The following LGR6 variants were observed in gnomAD, a reference collection of about 807,000 sequenced individuals.
LGR6 encodes the protein leucine rich repeat containing G protein-coupled receptor 6.
Under a neutral mutation model 69.4 loss-of-function variants are expected in LGR6, and 45 were observed. The observed-to-expected ratio is 0.65, with a 90% CI of 0.51 to 0.83. The LOEUF is 0.83. Ranked by LOEUF, LGR6 falls within the 40% of genes least tolerant of loss-of-function variation. The probability of loss-of-function intolerance (pLI) is 0.00; values close to 1 mark genes in which losing one functional copy is unlikely to be tolerated. For missense variants in LGR6, 1,108 were observed against 1,246.7 expected, an observed-to-expected ratio of 0.89 and a Z score of 1.68; for synonymous variants, 538 against 555.0, an observed-to-expected ratio of 0.97 and a Z score of 0.43.
chr1:202,195,623 G>A (rs1324709110), intron 1 of LGR6, among the ~76,000 whole-genome samples: 11 of 152,174 alleles, frequency 7.2e-5, no homozygotes, highest in Admixed American at 3.9e-4. Flanking sequence ...GGCAGGCTCC[G>A]GCCCCACCCT....
intron 4 of LGR6, among the ~76,000 whole-genome samples, chr1:202,262,492 C>G (rs1664314884): frequency 6.6e-6 from 1 of 152,036 alleles, no homozygotes; most frequent in Non-Finnish European, 1.5e-5. Context: ...GTTACTGTAG[C>G]CTTGTAGTAT....
intron 1 of LGR6, among the ~76,000 whole-genome samples, chr1:202,204,611 CACACACCTCCTTCAA>C (rs1378198581): frequency 5.5e-4 from 59 of 107,260 alleles, no homozygotes; most frequent in African/African-American, 1.8e-3. Context: ...CACCTCCAAA[CACACACCTCCTTCAA>C]ACACACACAC....
At chr1:202,220,801 A>G (rs1389959632) in intron 1 of LGR6, among the ~76,000 whole-genome samples, 2 of 151,520 alleles carry the variant, frequency 1.3e-5, no homozygotes, top group Admixed American at 6.6e-5. Context: ...GCTCCTGGCC[A>G]CTGTAGCTGG....
At chr1:202,287,448 T>C (rs532202161) in intron 6 of LGR6, among the ~76,000 whole-genome samples, 1 of 152,244 alleles carries the variant, frequency 6.6e-6, no homozygotes, top group Non-Finnish European at 1.5e-5. Context: ...TGTTTACGCT[T>C]CTCTCCCTCC....
At chr1:202,210,016 T>C (rs1013381312) in intron 1 of LGR6, among the ~76,000 whole-genome samples, 1 of 152,160 alleles carries the variant, frequency 6.6e-6, no homozygotes, top group Non-Finnish European at 1.5e-5. Context: ...TGCAAGGATG[T>C]GGTGAAGAAA....
intron 2 of LGR6, among the ~76,000 whole-genome samples, chr1:202,227,353 G>C (rs949496093): frequency 6.6e-6 from 1 of 152,134 alleles, no homozygotes; most frequent in African/African-American, 2.4e-5. Context: ...CGTTGCATTT[G>C]CTCCTTTTAG....
chr1:202,287,577 C>CTGGATAA (rs1666482285), intron 6 of LGR6, among the ~76,000 whole-genome samples: 1 of 152,196 alleles, frequency 6.6e-6, no homozygotes, highest in Non-Finnish European at 1.5e-5. Context: ...TAACAAATAT[C>CTGGATAA]CAGACTTCCA....
chr1:202,306,402 C>G (rs1244339824), intron 12 of LGR6, among the ~76,000 whole-genome samples: 2 of 152,168 alleles, frequency 1.3e-5, no homozygotes, highest in African/African-American at 4.8e-5. Flanking sequence ...ATATGAGGGT[C>G]TCCTGTTTGT....
At chr1:202,238,276 T>C (rs1661781993) in intron 4 of LGR6, among the ~76,000 whole-genome samples, 1 of 151,800 alleles carries the variant, frequency 6.6e-6, no homozygotes, top group South Asian at 2.1e-4. Context: ...TGTATTTTTT[T>C]GTAGAGATGG....
At chr1:202,243,652 A>C (rs975229726) in intron 4 of LGR6, among the ~76,000 whole-genome samples, 3 of 152,118 alleles carry the variant, frequency 2.0e-5, no homozygotes, top group Non-Finnish European at 4.4e-5. Flanking sequence ...GATGGAGCTG[A>C]GGAGGATCTT....
In LGR6 at chr1:202,232,716, C is replaced by T. The variant is rs78168242; in HGVS notation, c.357-3206C>T. On this transcript the variant is annotated intron_variant, in intron 3 of 17. Transcript: ENST00000367278. ...CTGATGTATAACCAGGGCTAAGAAC[C>T]GCTGGATTAGATAGACTGCCTCTCC... 7.1e-3 allele frequency among the ~76,000 whole-genome samples: 1,075 copies of T among 152,168 alleles called. 15 individuals carry two copies. The highest frequency in any genetic ancestry group is 0.025 in the African/African-American group (1,027 of 41,500).
chr1:202,215,001 G>A (rs1270408710), intron 1 of LGR6, among the ~76,000 whole-genome samples: 1 of 149,024 alleles, frequency 6.7e-6, no homozygotes, highest in African/African-American at 2.5e-5. Context: ...GTGTGTGTGT[G>A]TGTGTGTGTG....
At chr1:202,307,897 G>GC (rs1653379552) in intron 14 of LGR6, among the ~76,000 whole-genome samples, 1 of 152,148 alleles carries the variant, frequency 6.6e-6, no homozygotes, top group Admixed American at 6.5e-5. Flanking sequence ...TTGGCTACAT[G>GC]GTCATTATGT....
chr1:202,232,012 A>T (rs1174904399), intron 3 of LGR6, among the ~76,000 whole-genome samples: 4 of 151,874 alleles, frequency 2.6e-5, no homozygotes, highest in Admixed American at 1.3e-4. Context: ...GAATCACTTG[A>T]GCCCGGGAGG....
chr1:202,261,605 G>A (rs1368557458), intron 4 of LGR6, among the ~76,000 whole-genome samples: 1 of 152,198 alleles, frequency 6.6e-6, no homozygotes, highest in Non-Finnish European at 1.5e-5. Context: ...ACCCAGTAAC[G>A]GGATGGCTGG....
At chr1:202,225,575 G>A (rs1660482767) in intron 2 of LGR6, 81 bp downstream of exon 2, 1 of 1,304,848 alleles carries the variant, frequency 7.7e-7, no homozygotes, top group Non-Finnish European at 1.1e-6. Context: ...CAGGAGGTGG[G>A]GTGGAGAGAA....
chr1:202,292,036 A>G (rs758534057), intron 6 of LGR6, among the ~76,000 whole-genome samples: 2 of 152,176 alleles, frequency 1.3e-5, no homozygotes, highest in Admixed American at 6.5e-5. Flanking sequence ...GATGTGGGGA[A>G]AGGGTATTTC....
intron 6 of LGR6, among the ~76,000 whole-genome samples, chr1:202,296,609 C>A (rs1667178425): frequency 1.3e-5 from 2 of 152,206 alleles, no homozygotes; most frequent in African/African-American, 4.8e-5. Context: ...TCTTCCATTT[C>A]TCTTGCTTCT....
chr1:202,318,532 T>C lies in LGR6; in HGVS notation c.2229T>C (p.Cys743=). Residue 743 remains cysteine, a synonymous_variant, in exon 18 of 18, where the codon TGT becomes TGC. Transcript: ENST00000367278. ...CCCTGGTGATGATGAACTCCTTCTG[T>C]TTCCTGGTCGTGGCCGGTGCCTACA... ...TVALVMMNSF[C]FLVVAGAYIK... is the part of the protein sequence containing the mutation. 6.2e-7 allele frequency: 1 copy of C among 1,614,094 alleles called. No individual in the cohort carries two copies. The highest frequency in any genetic ancestry group is 8.5e-7 in the Non-Finnish European group (1 of 1,180,000).
Sources: gnomAD v4.1 joint callset for allele counts (sites outside exome capture counted in the v4.1 genomes callset) on GRCh38, gnomAD v4.1.1 for gene constraint, MANE v1.5 for transcripts, NCBI Gene and HGNC (gene_info 2026-07-23, HGNC 2026-07-21) for gene names.